PDZRN3: variants seen among roughly 807,000 people sequenced by gnomAD.
The protein encoded by PDZRN3 is PDZ domain containing ring finger 3.
PDZRN3 carries 38 observed loss-of-function variants against 85.7 expected under a neutral mutation model. That is an observed-to-expected ratio of 0.44 (90% confidence interval 0.34 to 0.58). The LOEUF (loss-of-function observed/expected upper bound fraction) is 0.58, where lower values mean the gene tolerates loss of function less well. PDZRN3 is among the 20% of genes least tolerant of loss of function. The pLI, the probability that PDZRN3 is intolerant of heterozygous loss-of-function variation, is 0.01. For missense variants in PDZRN3, 1,629 were observed against 1,506.4 expected, an observed-to-expected ratio of 1.08 and a Z score of -1.35; for synonymous variants, 759 against 638.0, an observed-to-expected ratio of 1.19 and a Z score of -2.86.
intron 3 of PDZRN3, chr3:73,408,397 A>G: frequency 1.7e-6 from 1 of 586,002 alleles, no homozygotes; most frequent in Non-Finnish European, 3.0e-6. Context: ...AGTAGAAGAG[A>G]CACATTTTCC....
intron 3 of PDZRN3, among the ~76,000 whole-genome samples, chr3:73,430,049 A>G (rs900923067): frequency 5.9e-5 from 9 of 152,216 alleles, no homozygotes; most frequent in Admixed American, 4.6e-4. Flanking sequence ...TTCATTGACA[A>G]TGCTGGAAAA....
At position 73,552,734 on chromosome 3, in the gene PDZRN3, A is replaced by G. The variant is rs143021957; in HGVS notation, c.918+49620T>C. The stretch of plus-strand genomic sequence containing the variant: ...TATTTGCCCAAGAAGAACAGGTGCT[A>G]GTCCTTGGAAGAAGTATGATTAATA... On this transcript the variant is annotated intron_variant, in intron 3 of 9. Transcript: ENST00000263666. Among the ~76,000 whole-genome samples, 1,125 of 152,364 alleles carry G rather than the reference A, an allele frequency of 7.4e-3. 10 individuals are homozygous for G. The highest frequency in any genetic ancestry group is 0.019 in the African/African-American group (806 of 41,582).
intron 9 of PDZRN3, 29 bp from the exon 10 acceptor site, chr3:73,384,959 A>C: frequency 1.3e-6 from 2 of 1,562,974 alleles, no homozygotes; most frequent in South Asian, 2.5e-5. Context: ...AAAGGGTCAC[A>C]GTGAGGGAGG....
intron 3 of PDZRN3, among the ~76,000 whole-genome samples, chr3:73,488,841 C>T (rs1310757186): frequency 1.3e-5 from 2 of 152,212 alleles, no homozygotes; most frequent in Non-Finnish European, 2.9e-5. Flanking sequence ...CACTGGGGAC[C>T]TGGAGGCTTG....
At chr3:73,618,830 G>A (rs1229778661) in intron 1 of PDZRN3, among the ~76,000 whole-genome samples, 1 of 152,132 alleles carries the variant, frequency 6.6e-6, no homozygotes, top group African/African-American at 2.4e-5. Context: ...ATAAATCACA[G>A]AAATGAAATA....
At chr3:73,442,938 G>C (rs35910144) in intron 3 of PDZRN3, among the ~76,000 whole-genome samples, 1 of 152,014 alleles carries the variant, frequency 6.6e-6, no homozygotes, top group Non-Finnish European at 1.5e-5. Flanking sequence ...GAAGAGCCTT[G>C]GTATAAGATC....
rs570021330 is a variant in PDZRN3, at chr3:73,383,966, G to A, written c.2600C>T (p.Pro867Leu). The A allele has an allele frequency of 9.1e-5, 146 of 1,597,414 alleles. 3 individuals are homozygous for A. In the South Asian group the frequency reaches 1.4e-3, roughly 15 times the overall value. Residue 867 changes from proline (P) to leucine (L), a missense_variant, in exon 10 of 10, where the codon CCA becomes CTA. By Grantham distance (98) the Pro-to-Leu change is moderately conservative. Coordinates refer to ENST00000263666, the MANE Select transcript of PDZRN3 (RefSeq NM_015009.3). ...CGCCGGGATGTGCGCGTGCTTGTAT[G>A]GGGAGTGGTGATAGGAGGGCAGGTA... ...SAYLPSYHHS[P>L]YKHAHIPAHA...
intron 3 of PDZRN3, among the ~76,000 whole-genome samples, chr3:73,508,734 G>A (rs1330378932): frequency 1.3e-5 from 2 of 152,164 alleles, no homozygotes; most frequent in East Asian, 1.9e-4. Context: ...AAATGTAAAC[G>A]TGGAGAACTT....
chr3:73,508,832 C>T (rs1704113539), intron 3 of PDZRN3, among the ~76,000 whole-genome samples: 2 of 152,166 alleles, frequency 1.3e-5, no homozygotes, highest in Non-Finnish European at 2.9e-5. Context: ...CTGTCCACTT[C>T]CCTAGCCATA....
chr3:73,395,990 T>A (rs4103783), intron 5 of PDZRN3, among the ~76,000 whole-genome samples: 108,640 of 152,060 alleles, frequency 0.71, 38,927 homozygotes, highest in East Asian at 0.86. Flanking sequence ...TGGGAGGCCA[T>A]TGCAGACAGA....
chr3:73,487,312 T>G (rs1486460874), intron 3 of PDZRN3, among the ~76,000 whole-genome samples: 1 of 152,212 alleles, frequency 6.6e-6, no homozygotes, highest in Non-Finnish European at 1.5e-5. Flanking sequence ...GGTCACGTTC[T>G]TCTTTAAAAA....
chr3:73,414,406 A>C (rs540473677), intron 3 of PDZRN3, among the ~76,000 whole-genome samples: 1 of 152,320 alleles, frequency 6.6e-6, no homozygotes, highest in Non-Finnish European at 1.5e-5. Context: ...TGTAACCTAC[A>C]AAGAGTGGTT....
At chr3:73,553,843 TG>T (rs1319503784) in intron 3 of PDZRN3, among the ~76,000 whole-genome samples, 1 of 152,076 alleles carries the variant, frequency 6.6e-6, no homozygotes, top group African/African-American at 2.4e-5. Context: ...GAGGAAGGCA[TG>T]GACAGGGTGA....
chr3:73,507,699 A>G (rs531927608), intron 3 of PDZRN3, among the ~76,000 whole-genome samples: 1 of 152,358 alleles, frequency 6.6e-6, no homozygotes, highest in East Asian at 1.9e-4. Context: ...TTGGCAAAGA[A>G]AAGATGTATT....
rs1575626924 is a variant in PDZRN3 at position 73,404,627 on chromosome 3, G to A, written c.919-232C>T. The A allele has an allele frequency of 1.2e-5, 6 of 487,668 alleles. No individual in the cohort carries two copies. The East Asian group carries it at 2.0e-4, about 16-fold the overall frequency. 30.2% of individuals were successfully genotyped at this position (487,668 alleles called of 1,614,324 possible). A position where few individuals can be genotyped will look rare whatever the true frequency, so the allele number is the denominator to read the frequency against. On this transcript the variant is annotated intron_variant, in intron 3 of 9. Coordinates refer to ENST00000263666, the MANE Select transcript of PDZRN3 (RefSeq NM_015009.3). ...CAATAATAAATCTCACAGCGGGAAG[G>A]CTTAGCTTCCCCGTGGAATGTCTTT...
At chr3:73,416,132 TGAA>T (rs1384218562) in intron 3 of PDZRN3, among the ~76,000 whole-genome samples, 1 of 151,974 alleles carries the variant, frequency 6.6e-6, no homozygotes, top group Non-Finnish European at 1.5e-5. Context: ...GGCTGCTGTG[TGAA>T]GAAGAGATTA....
chr3:73,449,955 C>T (rs1702825655), intron 3 of PDZRN3, among the ~76,000 whole-genome samples: 1 of 152,170 alleles, frequency 6.6e-6, no homozygotes, highest in African/African-American at 2.4e-5. Flanking sequence ...TCCCAACCAC[C>T]AACAGCTGGG....
At chr3:73,431,596 G>T (rs529630515) in intron 3 of PDZRN3, among the ~76,000 whole-genome samples, 194 of 152,238 alleles carry the variant, frequency 1.3e-3, no homozygotes, top group African/African-American at 4.3e-3. Context: ...TTTATGCTAC[G>T]GTTCAGGACT....
intron 3 of PDZRN3, among the ~76,000 whole-genome samples, chr3:73,426,086 A>AG (rs1702309450): frequency 6.6e-6 from 1 of 152,138 alleles, no homozygotes; most frequent in Admixed American, 6.6e-5. Flanking sequence ...TTGTAGGAGC[A>AG]GGGGGTGTCT....
Sources: allele counts gnomAD v4.1 joint callset (sites outside exome capture counted in the v4.1 genomes callset), GRCh38; gene constraint gnomAD v4.1.1; transcripts MANE v1.5; gene names NCBI Gene and HGNC (gene_info 2026-07-23, HGNC 2026-07-21).